Variants in CPNE8 observed in about 807,000 individuals in gnomAD.
CPNE8 encodes copine-8.
In CPNE8, 45 loss-of-function variants were observed where a neutral mutation model predicts 81.5. The ratio of observed to expected loss-of-function variants is 0.55; its 90% CI spans 0.44 to 0.71. The LOEUF (loss-of-function observed/expected upper bound fraction) is 0.71. Ranked by LOEUF, CPNE8 falls within the 30% of genes least tolerant of loss-of-function variation. The pLI, the probability that CPNE8 is intolerant of heterozygous loss-of-function variation, is 0.00. For synonymous variants in CPNE8, 252 were observed against 226.3 expected (o/e 1.11, Z -1.02); for missense variants, 594 against 672.1 (o/e 0.88, Z 1.28).
chr12:38,838,040 CCATACA>C (rs1429058727), intron 5 of CPNE8, among the ~76,000 whole-genome samples: 1 of 151,990 alleles, frequency 6.6e-6, no homozygotes, highest in Non-Finnish European at 1.5e-5. Context: ...CCTTCCTATC[CCATACA>C]CTTCTCTCTG....
At chr12:38,736,217 A>T (rs1049818540) in intron 10 of CPNE8, among the ~76,000 whole-genome samples, 1 of 79,876 alleles carries the variant, frequency 1.3e-5, no homozygotes, top group Admixed American at 1.3e-4. Context: ...CTGGGTGTAT[A>T]TATGTGTGTG....
intron 14 of CPNE8, among the ~76,000 whole-genome samples, chr12:38,699,978 G>T (rs1249334968): frequency 4.6e-5 from 7 of 151,750 alleles, no homozygotes; most frequent in Non-Finnish European, 7.4e-5. Context: ...GATTCTTTAG[G>T]ATATCCTATA....
chr12:38,715,539 A>G (rs1202337018), intron 13 of CPNE8, among the ~76,000 whole-genome samples: 1 of 152,108 alleles, frequency 6.6e-6, no homozygotes, highest in Non-Finnish European at 1.5e-5. Flanking sequence ...AATTTAGAAA[A>G]ACATACGATC....
intron 13 of CPNE8, among the ~76,000 whole-genome samples, chr12:38,704,753 A>T (rs1434541260): frequency 6.8e-6 from 1 of 148,136 alleles, no homozygotes; most frequent in Non-Finnish European, 1.5e-5. Context: ...ATGTGTATTG[A>T]TTTTGCACTA....
intron 13 of CPNE8, among the ~76,000 whole-genome samples, chr12:38,711,656 A>G (rs978566390): frequency 6.6e-6 from 1 of 152,166 alleles, no homozygotes; most frequent in South Asian, 2.1e-4. Context: ...TGTAGTAGAG[A>G]CGGAGTTTCA....
intron 13 of CPNE8, among the ~76,000 whole-genome samples, chr12:38,705,621 T>C (rs979657019): frequency 6.6e-6 from 1 of 152,240 alleles, no homozygotes; most frequent in Middle Eastern, 3.4e-3. Context: ...CATTTTCAGA[T>C]AAAAGCCCCT....
At chr12:38,888,082 A>AGAT (rs1317926891) in intron 1 of CPNE8, among the ~76,000 whole-genome samples, 2 of 152,198 alleles carry the variant, frequency 1.3e-5, no homozygotes, top group Admixed American at 6.5e-5. Flanking sequence ...ACAGATCTCC[A>AGAT]CTAAGTAGAA....
chr12:38,724,458 T>A (rs1940646522), intron 12 of CPNE8, among the ~76,000 whole-genome samples: 1 of 152,164 alleles, frequency 6.6e-6, no homozygotes, highest in African/African-American at 2.4e-5. Context: ...CACATACACA[T>A]CCCACGAAAC....
intron 1 of CPNE8, among the ~76,000 whole-genome samples, chr12:38,877,542 T>C (rs1944085167): frequency 6.6e-6 from 1 of 152,082 alleles, no homozygotes; most frequent in Admixed American, 6.6e-5. Flanking sequence ...AATCTAGATG[T>C]AGCTAATACA....
At chr12:38,760,214 T>C (rs1941544325) in intron 10 of CPNE8, among the ~76,000 whole-genome samples, 1 of 152,144 alleles carries the variant, frequency 6.6e-6, no homozygotes, top group African/African-American at 2.4e-5. Context: ...TGAGCATTTC[T>C]GGGTCCTTGG....
intron 11 of CPNE8, 97 bp from the exon 12 acceptor site, chr12:38,724,996 C>T (rs1315416227): frequency 9.6e-7 from 1 of 1,044,950 alleles, no homozygotes; most frequent in Non-Finnish European, 1.4e-6. Context: ...GCTGCCTTCC[C>T]TTCTTATGCA....
At chr12:38,901,707 C>T (rs1321914259) in intron 1 of CPNE8, among the ~76,000 whole-genome samples, 3 of 152,274 alleles carry the variant, frequency 2.0e-5, no homozygotes, top group East Asian at 1.9e-4. Context: ...CTCTCACCCC[C>T]TTAACACAAA....
At chr12:38,784,768 A>C (rs924294743) in intron 6 of CPNE8, among the ~76,000 whole-genome samples, 9 of 152,226 alleles carry the variant, frequency 5.9e-5, no homozygotes, top group African/African-American at 1.7e-4. Context: ...CCCTGGAATA[A>C]TATACCTGGT....
At chr12:38,878,539 C>A (rs899958356) in intron 1 of CPNE8, among the ~76,000 whole-genome samples, 3 of 152,166 alleles carry the variant, frequency 2.0e-5, no homozygotes, top group African/African-American at 7.2e-5. Context: ...GATAACCCAG[C>A]CTGCTCTGAT....
In CPNE8 at chr12:38,817,589, G is replaced by A. The variant is rs1004135828; in HGVS notation, c.407+11790C>T. ...AAGTGATACCAAATTTTTAAATTTC[G>A]TTTAAAGTTACACATTAATTTATTC... On this transcript the variant is annotated intron_variant, in intron 6 of 19. Transcript: ENST00000331366. Among the ~76,000 whole-genome samples the A allele has an allele frequency of 2.4e-5, 3 of 123,324 alleles. No homozygotes were observed. In the East Asian group the frequency reaches 6.6e-4, roughly 27 times the overall value. The allele number at this position is 123,324 out of a possible 152,430, so 80.9% of individuals were successfully genotyped here.
chr12:38,797,113 G>C (rs1329457892), intron 6 of CPNE8, among the ~76,000 whole-genome samples: 1 of 152,170 alleles, frequency 6.6e-6, no homozygotes. Flanking sequence ...CCACCTCTGG[G>C]GGCAGGGCAC....
chr12:38,781,862 T>G (rs758350396), intron 6 of CPNE8, among the ~76,000 whole-genome samples: 7 of 152,056 alleles, frequency 4.6e-5, no homozygotes, highest in Non-Finnish European at 1.0e-4. Context: ...AATGCAAATT[T>G]AGGGACATTC....
chr12:38,861,813 T>A (rs1943840289), intron 3 of CPNE8, among the ~76,000 whole-genome samples: 1 of 152,146 alleles, frequency 6.6e-6, no homozygotes, highest in Non-Finnish European at 1.5e-5. Context: ...CTACTAAAGA[T>A]TGATTTTTAT....
chr12:38,683,677 T>C (rs1360821434), intron 16 of CPNE8, among the ~76,000 whole-genome samples: 1 of 152,132 alleles, frequency 6.6e-6, no homozygotes, highest in Non-Finnish European at 1.5e-5. Context: ...GGTCTTATAC[T>C]AAGAAATGTA....
Sources: allele counts gnomAD v4.1 joint callset (sites outside exome capture counted in the v4.1 genomes callset), GRCh38; gene constraint gnomAD v4.1.1; transcripts MANE v1.5; gene names NCBI Gene and HGNC (gene_info 2026-07-23, HGNC 2026-07-21).